Variants in GPR19 observed in about 807,000 individuals in gnomAD.
The protein encoded by GPR19 is probable G protein-coupled receptor 19.
In GPR19, 14 loss-of-function variants were observed where a neutral mutation model predicts 28.5. The ratio of observed to expected loss-of-function variants is 0.49; its 90% confidence interval spans 0.32 to 0.77. The LOEUF (loss-of-function observed/expected upper bound fraction) is 0.77, where lower values mean the gene tolerates loss of function less well. GPR19 is among the 30% of genes least tolerant of loss of function. The probability of loss-of-function intolerance (pLI) is 0.03; values close to 1 mark genes in which losing one functional copy is unlikely to be tolerated. For synonymous variants in GPR19, 173 were observed against 184.1 expected, an observed-to-expected ratio of 0.94 and a Z score of 0.49; for missense variants, 409 against 504.1, an observed-to-expected ratio of 0.81 and a Z score of 1.81.
In GPR19 at chr12:12,661,820, C is replaced by A; in HGVS notation, c.629G>T (p.Cys210Phe). 6.2e-7 allele frequency: 1 copy of A among 1,614,092 alleles called. No homozygotes were observed. The highest frequency in any genetic ancestry group is 8.5e-7 in the Non-Finnish European group (1 of 1,180,026). The change falls in exon 4 of 4, where the codon TGT (cysteine) becomes TTT (phenylalanine). Residue 210 changes from cysteine to phenylalanine, a missense_variant. Physicochemically the swap from Cys to Phe is radical, Grantham distance 205 (BLOSUM62 -2). Transcript: ENST00000651487. The surrounding 1 kb of genome is among the most constrained non-coding windows in gnomAD (Gnocchi z 4.2). ...FFYGSNWDSH[C>F]NYFLPSSWEG... ...CCAAGAGGAGGGGAGGAAATAGTTA[C>A]AATGACTGTCCCAGTTGGAGCCATA...
Position 12,662,368 on chromosome 12 carries a change from G to C in GPR19, c.81C>G (p.Ser27Arg). ...PTLLVPLQNR[S>R]CTETATPLPS... ...GCAGAGGTGTGGCTGTTTCAGTGCA[G>C]CTGCGGTTTTGGAGGGGCACCAGAA... The change falls in exon 4 of 4, where the codon AGC becomes AGG. Residue 27 changes from serine (S) to arginine (R), a missense_variant. Coordinates refer to ENST00000651487, the MANE Select transcript of GPR19 (RefSeq NM_006143.3). The C allele has an allele frequency of 6.2e-7, 1 of 1,614,212 alleles. No homozygotes were observed. Among genetic ancestry groups the C allele is most frequent in the South Asian group, 1.1e-5 (1 of 91,088 alleles).
chr12:12,700,193 T>A (rs971587750), upstream of GPR19, among the ~76,000 whole-genome samples: 1 of 151,950 alleles, frequency 6.6e-6, no homozygotes, highest in Non-Finnish European at 1.5e-5. Context: ...ATTTTTTATT[T>A]TTTATTTTTT....
chr12:12,702,611 G>A, the GPR19 span, among the ~76,000 whole-genome samples: 20 of 151,774 alleles, frequency 1.3e-4, no homozygotes, highest in South Asian at 6.3e-4. Context: ...GTGCCTTCTC[G>A]TTTTTTTTCT....
chr12:12,708,715 A>C, the GPR19 span, among the ~76,000 whole-genome samples: 10 of 152,218 alleles, frequency 6.6e-5, no homozygotes, highest in African/African-American at 1.9e-4. Context: ...TTGTGGTCTT[A>C]TGAGGATCAA....
the GPR19 span, among the ~76,000 whole-genome samples, chr12:12,702,275 T>C: frequency 7.3e-4 from 111 of 151,522 alleles, 3 homozygotes; most frequent in South Asian, 0.021. Context: ...AATAATATAA[T>C]ATTTCTAAAA....
rs1186282463 is a variant in GPR19, at chr12:12,684,412, T to A, written c.-84A>T. On this transcript the variant is annotated 5_prime_UTR_variant, in exon 3 of 4. The change creates a premature stop within an existing upstream ORF in the 5' untranslated region. Coordinates refer to ENST00000651487, the MANE Select transcript of GPR19 (RefSeq NM_006143.3). ...GATCTTCTTGGTCAGGAATAGCCCT[T>A]GCATAGGAGTTTGGAGAATGCCATA... The A allele has an allele frequency of 6.6e-6, 1 of 152,236 alleles. No individual in the cohort carries two copies. Among genetic ancestry groups the A allele is most frequent in the Non-Finnish European group, 1.5e-5 (1 of 68,058 alleles). 9.4% of individuals were successfully genotyped at this position (152,236 alleles called of 1,614,324 possible).
the GPR19 span, among the ~76,000 whole-genome samples, chr12:12,713,692 C>A: frequency 6.6e-6 from 1 of 151,992 alleles, no homozygotes; most frequent in Admixed American, 6.6e-5. Flanking sequence ...ACTACCATGC[C>A]CAGCTAATGT....
the GPR19 span, among the ~76,000 whole-genome samples, chr12:12,715,375 G>C: frequency 6.6e-6 from 1 of 152,194 alleles, no homozygotes; most frequent in African/African-American, 2.4e-5. Context: ...TTGATCCTAG[G>C]TGAATTCTTT....
upstream of GPR19, among the ~76,000 whole-genome samples, chr12:12,699,096 A>C (rs1946299997): frequency 6.6e-6 from 1 of 152,042 alleles, no homozygotes; most frequent in Non-Finnish European, 1.5e-5. Flanking sequence ...TAATCTCAGC[A>C]CTTTGGGAGG....
At chr12:12,662,516 A>G in intron 3 of GPR19, 46 bp from the exon 4 acceptor site, 1 of 1,419,338 alleles carries the variant, frequency 7.0e-7, no homozygotes, top group Non-Finnish European at 9.7e-7. Flanking sequence ...AAAAGGTGTC[A>G]TACAGATTGG....
chr12:12,714,669 A>T, the GPR19 span, among the ~76,000 whole-genome samples: 7 of 151,952 alleles, frequency 4.6e-5, no homozygotes, highest in Non-Finnish European at 7.4e-5. Flanking sequence ...CACCTTTAAC[A>T]CTGTTTATCT....
intron 3 of GPR19, among the ~76,000 whole-genome samples, chr12:12,675,097 T>C (rs1211385982): frequency 6.6e-6 from 1 of 152,180 alleles, no homozygotes; most frequent in Non-Finnish European, 1.5e-5. Context: ...GTCCCAGCCG[T>C]GTTCCAGGTC....
At chr12:12,677,347 C>T (rs1945947276) in intron 3 of GPR19, among the ~76,000 whole-genome samples, 1 of 152,096 alleles carries the variant, frequency 6.6e-6, no homozygotes, top group Admixed American at 6.6e-5. Flanking sequence ...GCTGGGATTA[C>T]AGGCATGTGC....
chr12:12,701,703 G>A, the GPR19 span, among the ~76,000 whole-genome samples: 1 of 152,148 alleles, frequency 6.6e-6, no homozygotes, highest in Non-Finnish European at 1.5e-5. Flanking sequence ...GGCCAAGGCA[G>A]GAGGTTTGCT....
chr12:12,664,903 G>A lies in GPR19; in HGVS notation c.-22-2433C>T, dbSNP rs189853185. 7.0e-3 allele frequency among the ~76,000 whole-genome samples: 942 copies of A among 135,354 alleles called. 6 individuals are homozygous for A. Among genetic ancestry groups the A allele is most frequent in the African/African-American group, 0.026 (892 of 34,632 alleles). The allele number at this position is 135,354 out of a possible 152,430, so 88.8% of individuals were successfully genotyped here. The stretch of plus-strand genomic sequence containing the variant: ...CCACTGCACTCCAGGCTGGGCGACG[G>A]GGTGAGACGCCATCTCAAAAAAAAA... On this transcript the variant is annotated intron_variant, in intron 3 of 3. Transcript: ENST00000651487.
chr12:12,674,629 C>T (rs773369540), intron 3 of GPR19, among the ~76,000 whole-genome samples: 2 of 152,136 alleles, frequency 1.3e-5, no homozygotes, highest in Non-Finnish European at 2.9e-5. Flanking sequence ...TAAATTCCCA[C>T]TAGATATCCA....
In GPR19 at chr12:12,662,264, G is replaced by C. The variant is rs748163158; in HGVS notation, c.185C>G (p.Pro62Arg). The change falls in exon 4 of 4, where the codon CCC becomes CGC. Residue 62 changes from proline (P) to arginine (R), a missense_variant. Transcript: ENST00000651487. ...NQTDLHYVLK[P>R]GEVATASIFF... is the part of the protein sequence containing the mutation. ...GATGCTGGCTGTGGCCACTTCCCCGGGTTTCAGCACATAGTGAAGGTCTGT... is the reference window on the plus strand; with the variant it reads ...GATGCTGGCTGTGGCCACTTCCCCGCGTTTCAGCACATAGTGAAGGTCTGT... 1 of 1,614,176 alleles carries C rather than the reference G, an allele frequency of 6.2e-7. No homozygotes were observed. The highest frequency in any genetic ancestry group is 8.5e-7 in the Non-Finnish European group (1 of 1,180,032).
the GPR19 span, among the ~76,000 whole-genome samples, chr12:12,713,776 C>T: frequency 2.0e-5 from 3 of 152,196 alleles, no homozygotes; most frequent in Non-Finnish European, 2.9e-5. Flanking sequence ...AAGTGATCCA[C>T]CTGCCTCTGC....
At chr12:12,669,252 G>A (rs779792741) in intron 3 of GPR19, among the ~76,000 whole-genome samples, 1 of 152,210 alleles carries the variant, frequency 6.6e-6, no homozygotes, top group Non-Finnish European at 1.5e-5. Context: ...CTGGCCTGGA[G>A]AAATAGCCTT....
Sources: allele counts gnomAD v4.1 joint callset (sites outside exome capture counted in the v4.1 genomes callset), GRCh38; gene constraint gnomAD v4.1.1; non-coding constraint Gnocchi (gnomAD v3.1); transcripts MANE v1.5; gene names NCBI Gene and HGNC (gene_info 2026-07-23, HGNC 2026-07-21).